The following JAKMIP2 variants were observed in gnomAD, a reference collection of about 807,000 sequenced individuals.
JAKMIP2 encodes janus kinase and microtubule-interacting protein 2.
A neutral mutation model predicts 115.0 loss-of-function variants in JAKMIP2; 25 were observed. The ratio of observed to expected loss-of-function variants is 0.22; its 90% CI spans 0.16 to 0.30. The LOEUF is 0.30. JAKMIP2 is among the 10% of genes least tolerant of loss of function. JAKMIP2 has a pLI of 1.00. For missense variants in JAKMIP2, 642 were observed against 957.6 expected (o/e 0.67, Z 4.35); for synonymous variants, 334 against 343.6 (o/e 0.97, Z 0.31).
At chr5:147,704,858 G>T (rs986531753) in intron 1 of JAKMIP2, among the ~76,000 whole-genome samples, 2 of 152,184 alleles carry the variant, frequency 1.3e-5, no homozygotes, top group African/African-American at 4.8e-5. Context: ...ATTTGACTGT[G>T]TTTGAAGGTA....
chr5:147,716,135 T>G (rs1463907962), intron 1 of JAKMIP2, among the ~76,000 whole-genome samples: 1 of 146,604 alleles, frequency 6.8e-6, no homozygotes, highest in Non-Finnish European at 1.5e-5. Context: ...GAGAATGATG[T>G]TTTCCAATTT....
chr5:147,618,182 C>T, intron 18 of JAKMIP2, 68 bp from the exon 19 acceptor site: 1 of 1,168,486 alleles, frequency 8.6e-7, no homozygotes, highest in Non-Finnish European at 1.3e-6. Context: ...GGAGTGTATG[C>T]TATGTATGTA....
chr5:147,693,656 T>TAA (rs145331000), intron 1 of JAKMIP2, among the ~76,000 whole-genome samples: 1 of 149,434 alleles, frequency 6.7e-6, no homozygotes, highest in Admixed American at 6.7e-5. Context: ...AATGTTACAA[T>TAA]AAAAAAAAAA....
At chr5:147,624,874 A>T (rs553731727) in intron 16 of JAKMIP2, among the ~76,000 whole-genome samples, 1 of 152,324 alleles carries the variant, frequency 6.6e-6, no homozygotes, top group South Asian at 2.1e-4. Context: ...GTCAAATGGG[A>T]TTAACAATAA....
At chr5:147,591,772 A>G in intron 21 of JAKMIP2, 86 bp from the exon 22 acceptor site, 5 of 824,452 alleles carry the variant, frequency 6.1e-6, no homozygotes, top group Non-Finnish European at 9.9e-6. Context: ...AAAGACACAA[A>G]TTTTTTATTC....
intron 1 of JAKMIP2, among the ~76,000 whole-genome samples, chr5:147,720,869 C>T (rs1753246759): frequency 6.6e-6 from 1 of 152,238 alleles, no homozygotes; most frequent in Non-Finnish European, 1.5e-5. Flanking sequence ...ATTCTCCGTC[C>T]AGCTTTGTTC....
intron 1 of JAKMIP2, among the ~76,000 whole-genome samples, chr5:147,717,521 T>C (rs1324971531): frequency 7.4e-6 from 1 of 134,484 alleles, no homozygotes; most frequent in East Asian, 2.5e-4. Flanking sequence ...TTTTATTTCA[T>C]TGAGCAGTGG....
intron 1 of JAKMIP2, among the ~76,000 whole-genome samples, chr5:147,722,527 A>G (rs1461499868): frequency 6.6e-6 from 1 of 152,164 alleles, no homozygotes; most frequent in Non-Finnish European, 1.5e-5. Context: ...GTCACAGGCT[A>G]TAATTTATTT....
At chr5:147,649,334 T>C (rs1385114201) in intron 4 of JAKMIP2, among the ~76,000 whole-genome samples, 1 of 152,198 alleles carries the variant, frequency 6.6e-6, no homozygotes, top group African/African-American at 2.4e-5. Flanking sequence ...AACTAATATG[T>C]ATTAAATGCT....
intron 1 of JAKMIP2, among the ~76,000 whole-genome samples, chr5:147,705,590 C>T (rs72835149): frequency 0.12 from 17,662 of 151,984 alleles, 1,270 homozygotes; most frequent in Middle Eastern, 0.18. Context: ...GTCTGAGGTC[C>T]TGTGTGACTT....
rs1407399233 is a variant in JAKMIP2 at position 147,632,921 on chromosome 5, G to A, written c.1678-143C>T. Reference sequence around the variant, plus strand: ...CCCCAAATAGATGTGAATAAAATAAGTATTTGGCTTTGGCTTTCCTTCTAG... The same window carrying A: ...CCCCAAATAGATGTGAATAAAATAAATATTTGGCTTTGGCTTTCCTTCTAG... On this transcript the variant is annotated intron_variant, in intron 12 of 21. Coordinates refer to ENST00000616793, the MANE Select transcript of JAKMIP2 (RefSeq NM_001270941.2). The A allele has an allele frequency of 4.8e-5, 27 of 562,282 alleles. 1 individual carries two copies. In the South Asian group the frequency reaches 6.0e-4, roughly 13 times the overall value. The allele number at this position is 562,282 out of a possible 1,614,324, so 34.8% of individuals were successfully genotyped here. A position where few individuals can be genotyped will look rare whatever the true frequency, so the allele number is the denominator to read the frequency against.
chr5:147,606,409 G>T (rs1018063334), intron 20 of JAKMIP2, among the ~76,000 whole-genome samples: 1 of 151,990 alleles, frequency 6.6e-6, no homozygotes. Flanking sequence ...GTGGCTAGCT[G>T]GTTTTCTGAA....
chr5:147,621,367 C>T (rs577277368), intron 17 of JAKMIP2, among the ~76,000 whole-genome samples: 2 of 152,310 alleles, frequency 1.3e-5, no homozygotes, highest in East Asian at 3.9e-4. Flanking sequence ...ATTTTGGGTA[C>T]AACATAGTCC....
intron 1 of JAKMIP2, among the ~76,000 whole-genome samples, chr5:147,738,233 A>G (rs552901693): frequency 2.0e-5 from 3 of 152,286 alleles, no homozygotes; most frequent in East Asian, 3.9e-4. Context: ...CATTTTAGTA[A>G]AATGCACAAA....
intron 1 of JAKMIP2, among the ~76,000 whole-genome samples, chr5:147,733,795 C>T (rs553793336): frequency 6.6e-6 from 1 of 152,166 alleles, no homozygotes; most frequent in Non-Finnish European, 1.5e-5. Flanking sequence ...GACACAAACT[C>T]ATCCTTTTTT....
chr5:147,659,670 C>T (rs1284093949), intron 3 of JAKMIP2, among the ~76,000 whole-genome samples: 1 of 152,128 alleles, frequency 6.6e-6, no homozygotes, highest in East Asian at 1.9e-4. Context: ...ATTTACCTGC[C>T]AGCTCCAGAG....
chr5:147,752,804 G>C (rs1038751605), intron 1 of JAKMIP2, among the ~76,000 whole-genome samples: 7 of 152,118 alleles, frequency 4.6e-5, no homozygotes, highest in African/African-American at 1.7e-4. Context: ...GGAGAGGATT[G>C]AGAGGACTCA....
At chr5:147,769,330 A>C (rs1167478310) in intron 1 of JAKMIP2, among the ~76,000 whole-genome samples, 2 of 152,134 alleles carry the variant, frequency 1.3e-5, no homozygotes, top group East Asian at 3.9e-4. Context: ...AGAGGGCGGC[A>C]AAAGTGTAAG....
intron 1 of JAKMIP2, among the ~76,000 whole-genome samples, chr5:147,684,012 ATC>A (rs1561536855): frequency 1.3e-5 from 2 of 152,126 alleles, no homozygotes; most frequent in Non-Finnish European, 2.9e-5. Flanking sequence ...AGCAATACAG[ATC>A]TGTTTTTAAC....
Sources: allele counts gnomAD v4.1 joint callset (sites outside exome capture counted in the v4.1 genomes callset), GRCh38; gene constraint gnomAD v4.1.1; transcripts MANE v1.5; gene names NCBI Gene and HGNC (gene_info 2026-07-23, HGNC 2026-07-21).